DSCAM: variants seen among roughly 807,000 people sequenced by gnomAD.
The protein encoded by DSCAM is cell adhesion molecule DSCAM.
In DSCAM, 47 loss-of-function variants were observed where a neutral mutation model predicts 217.7. The observed-to-expected ratio is 0.22, with a 90% CI of 0.17 to 0.28. The LOEUF is 0.28. Among genes scored for constraint, DSCAM ranks in the 10% least tolerant of loss-of-function variants. The probability of loss-of-function intolerance (pLI) is 1.00; values close to 1 mark genes in which losing one functional copy is unlikely to be tolerated. For synonymous variants in DSCAM, 1,056 were observed against 1,015.3 expected (o/e 1.04, Z -0.76); for missense variants, 2,080 against 2,618.3 (o/e 0.79, Z 4.49).
intron 3 of DSCAM, among the ~76,000 whole-genome samples, chr21:40,415,176 T>A (rs2123803335): frequency 6.6e-6 from 1 of 152,330 alleles, no homozygotes; most frequent in South Asian, 2.1e-4. Context: ...CGAGCCTGAT[T>A]TTTTCTAACA....
intron 1 of DSCAM, among the ~76,000 whole-genome samples, chr21:40,838,417 CT>C: frequency 6.6e-6 from 1 of 152,326 alleles, no homozygotes; most frequent in Middle Eastern, 3.4e-3. Flanking sequence ...CAGCTTCTAC[CT>C]GATCATTGTG....
intron 9 of DSCAM, among the ~76,000 whole-genome samples, chr21:40,310,733 A>G (rs1414042428): frequency 6.6e-6 from 1 of 152,206 alleles, no homozygotes; most frequent in East Asian, 1.9e-4. Flanking sequence ...TGCCCTTCAC[A>G]AACCCAAGAG....
chr21:40,041,936 C>G lies in DSCAM; in HGVS notation c.5686+435G>C, dbSNP rs114297390. On this transcript the variant is annotated intron_variant, in intron 32 of 32. Coordinates refer to ENST00000400454, the MANE Select transcript of DSCAM (RefSeq NM_001389.5). ...TGACTGCTTGCCCAATAGAATATGA[C>G]AGAAATGATAGCTGTGTCAGTTTCC... 3.7e-3 allele frequency among the ~76,000 whole-genome samples: 561 copies of G among 152,260 alleles called. 6 individuals are homozygous for G. Among genetic ancestry groups the G allele is most frequent in the African/African-American group, 0.013 (533 of 41,548 alleles).
intron 1 of DSCAM, among the ~76,000 whole-genome samples, chr21:40,769,062 T>A (rs1426981016): frequency 6.6e-6 from 1 of 152,180 alleles, no homozygotes; most frequent in Non-Finnish European, 1.5e-5. Context: ...TCTGCTCCTA[T>A]TAATCCACTA....
At chr21:40,360,247 C>A (rs996397837) in intron 4 of DSCAM, among the ~76,000 whole-genome samples, 1 of 149,066 alleles carries the variant, frequency 6.7e-6, no homozygotes, top group African/African-American at 2.5e-5. Flanking sequence ...ATTCTCCTGC[C>A]TTAGCCTCCC....
intron 3 of DSCAM, among the ~76,000 whole-genome samples, chr21:40,371,430 A>C (rs1265525579): frequency 2.6e-5 from 4 of 151,082 alleles, no homozygotes; most frequent in Admixed American, 2.6e-4. Flanking sequence ...GTCAAAAAAA[A>C]AAAAAGATGA....
intron 1 of DSCAM, among the ~76,000 whole-genome samples, chr21:40,712,457 G>A (rs1351442402): frequency 1.9e-4 from 22 of 113,808 alleles, no homozygotes; most frequent in African/African-American, 5.7e-4. Flanking sequence ...GCGACAGAGC[G>A]AGACTCCGTC....
rs193191770 is a variant in DSCAM at position 40,744,495 on chromosome 21, C to T, written c.44-35724G>A. Among the ~76,000 whole-genome samples the T allele has an allele frequency of 2.1e-3, 317 of 152,098 alleles. 1 individual carries two copies. The highest frequency in any genetic ancestry group is 7.1e-3 in the African/African-American group (296 of 41,480). On this transcript the variant is annotated intron_variant, in intron 1 of 32. Transcript: ENST00000400454. ...TTCCTTTGGAAATTAAGTTCCAGTA[C>T]GTATTTAAGTCTTTCCCAGACCAGG...
At chr21:40,750,587 C>T (rs2091217982) in intron 1 of DSCAM, among the ~76,000 whole-genome samples, 1 of 152,140 alleles carries the variant, frequency 6.6e-6, no homozygotes, top group Admixed American at 6.6e-5. Context: ...ACAAAATTTC[C>T]ATGTCTGATC....
intron 6 of DSCAM, among the ~76,000 whole-genome samples, chr21:40,346,531 T>C (rs11909735): frequency 0.07 from 10,581 of 152,242 alleles, 780 homozygotes; most frequent in African/African-American, 0.19. Context: ...TTTTAAATTA[T>C]ATATGGACAT....
intron 28 of DSCAM, among the ~76,000 whole-genome samples, chr21:40,061,569 C>CAAAAAAA (rs1223587491): frequency 1.2e-5 from 1 of 86,354 alleles, no homozygotes; most frequent in Non-Finnish European, 2.6e-5. Context: ...AACTCTGTCC[C>CAAAAAAA]AAAAAAAAAA....
chr21:40,192,679 A>G (rs1259591063), intron 11 of DSCAM, among the ~76,000 whole-genome samples: 1 of 152,176 alleles, frequency 6.6e-6, no homozygotes, highest in Non-Finnish European at 1.5e-5. Flanking sequence ...TGTATTCTTT[A>G]GTATCTAGCT....
intron 8 of DSCAM, among the ~76,000 whole-genome samples, chr21:40,336,855 G>A (rs1012553013): frequency 2.0e-5 from 3 of 152,056 alleles, no homozygotes; most frequent in African/African-American, 7.2e-5. Flanking sequence ...AGTAGTGCCT[G>A]GCATGAAGCA....
intron 11 of DSCAM, among the ~76,000 whole-genome samples, chr21:40,248,704 C>A (rs1278749276): frequency 1.3e-5 from 2 of 152,204 alleles, no homozygotes; most frequent in African/African-American, 4.8e-5. Flanking sequence ...GCCGGTTACC[C>A]AGTTCCAAAG....
intron 2 of DSCAM, among the ~76,000 whole-genome samples, chr21:40,700,736 T>C (rs1292254383): frequency 4.9e-5 from 6 of 121,808 alleles, no homozygotes; most frequent in African/African-American, 1.2e-4. Context: ...TCTTTCTTTC[T>C]TTTTTTTTTT....
At chr21:40,519,522 A>C (rs1379350618) in intron 3 of DSCAM, among the ~76,000 whole-genome samples, 1 of 152,160 alleles carries the variant, frequency 6.6e-6, no homozygotes, top group African/African-American at 2.4e-5. Context: ...ATAAAGCAAG[A>C]AGGCGCTGTC....
At chr21:40,203,645 T>G (rs142654144) in intron 11 of DSCAM, among the ~76,000 whole-genome samples, 5 of 152,378 alleles carry the variant, frequency 3.3e-5, no homozygotes, top group African/African-American at 4.8e-5. Flanking sequence ...GCAAGGGTGA[T>G]GCCCACCTCA....
At chr21:40,448,895 C>T (rs1327687176) in intron 3 of DSCAM, among the ~76,000 whole-genome samples, 1 of 152,198 alleles carries the variant, frequency 6.6e-6, no homozygotes, top group Admixed American at 6.5e-5. Flanking sequence ...AAACAACACA[C>T]ATTTATTTAT....
intron 3 of DSCAM, among the ~76,000 whole-genome samples, chr21:40,670,232 G>A (rs924625409): frequency 2.6e-5 from 4 of 152,124 alleles, no homozygotes; most frequent in Non-Finnish European, 4.4e-5. Context: ...GTTCAGTATT[G>A]TTAACTCGGT....
Sources: gnomAD v4.1 joint callset for allele counts (sites outside exome capture counted in the v4.1 genomes callset) on GRCh38, gnomAD v4.1.1 for gene constraint, MANE v1.5 for transcripts, NCBI Gene and HGNC (gene_info 2026-07-23, HGNC 2026-07-21) for gene names.